PLA2G4A: variants seen among roughly 807,000 people sequenced by gnomAD.
PLA2G4A encodes cytosolic phospholipase A2.
PLA2G4A carries 40 observed loss-of-function variants against 81.9 expected under a neutral mutation model. That is an observed-to-expected ratio of 0.49 (90% CI 0.38 to 0.64). The LOEUF (loss-of-function observed/expected upper bound fraction) is 0.64. PLA2G4A is among the 30% of genes least tolerant of loss of function. The probability of loss-of-function intolerance (pLI) is 0.00; values close to 1 mark genes in which losing one functional copy is unlikely to be tolerated. For missense variants in PLA2G4A, 715 were observed against 905.1 expected (o/e 0.79, Z 2.69); for synonymous variants, 302 against 296.9 (o/e 1.02, Z -0.18).
intron 13 of PLA2G4A, 73 bp from the exon 14 acceptor site, chr1:186,956,029 C>T (rs1459085739): frequency 5.0e-6 from 7 of 1,390,048 alleles, no homozygotes; most frequent in East Asian, 4.6e-5. Flanking sequence ...CGTGAGCCAC[C>T]GTGCCCAGCC....
intron 5 of PLA2G4A, among the ~76,000 whole-genome samples, chr1:186,897,058 C>T (rs1654358040): frequency 6.6e-6 from 1 of 152,128 alleles, no homozygotes; most frequent in Non-Finnish European, 1.5e-5. Flanking sequence ...AGATGTAAGC[C>T]TTGAAGATGG....
chr1:186,957,292 C>T (rs776398083), intron 14 of PLA2G4A, among the ~76,000 whole-genome samples: 9 of 151,898 alleles, frequency 5.9e-5, no homozygotes, highest in Non-Finnish European at 1.2e-4. Context: ...CTTATAAAAT[C>T]GTTCCAAACT....
rs770635385 is a variant in PLA2G4A, at chr1:186,911,260, C to T, written c.429C>T (p.Asp143=). ...EMSLEVCSCP[D]LRFSMALCDQ... ...TTTGGTATTACAGCTCATGCCCAGA[C>T]CTACGATTTAGTATGGCTCTGTGTG... Residue 143 remains aspartate (D), a synonymous_variant, in exon 7 of 18, where the codon GAC becomes GAT. Coordinates refer to ENST00000367466, the MANE Select transcript of PLA2G4A (RefSeq NM_024420.3). 4.3e-6 allele frequency: 7 copies of T among 1,613,204 alleles called. No homozygotes were observed. Among genetic ancestry groups the T allele is most frequent in the South Asian group, 2.2e-5 (2 of 91,054 alleles).
chr1:186,837,275 C>A (rs1481271068), intron 1 of PLA2G4A, among the ~76,000 whole-genome samples: 1 of 151,990 alleles, frequency 6.6e-6, no homozygotes, highest in African/African-American at 2.4e-5. Context: ...GGGAGGAATG[C>A]GTGATGAGGA....
chr1:186,930,575 T>G (rs1249763308), intron 7 of PLA2G4A, among the ~76,000 whole-genome samples: 1 of 152,208 alleles, frequency 6.6e-6, no homozygotes, highest in African/African-American at 2.4e-5. Context: ...TGTGTTGAAA[T>G]GAATTGTATA....
At chr1:186,954,427 C>T (rs1373400144) in intron 13 of PLA2G4A, among the ~76,000 whole-genome samples, 1 of 151,794 alleles carries the variant, frequency 6.6e-6, no homozygotes, top group Non-Finnish European at 1.5e-5. Context: ...CATCACACAC[C>T]AGGGCCTGTC....
chr1:186,904,859 AT>A (rs148742175), intron 5 of PLA2G4A, among the ~76,000 whole-genome samples: 3,350 of 86,472 alleles, frequency 0.039, 133 homozygotes, highest in African/African-American at 0.22. Context: ...ATATATATAT[AT>A]TTTTTTTTTT....
Position 186,922,425 on chromosome 1 carries a change from A to G in PLA2G4A, c.559-10338A>G, listed in dbSNP as rs557126838. Among the ~76,000 whole-genome samples, 20 of 152,306 alleles carry G rather than the reference A, an allele frequency of 1.3e-4. No homozygotes were observed. The South Asian group carries it at 4.1e-3, about 32-fold the overall frequency. On this transcript the variant is annotated intron_variant, in intron 7 of 17. Transcript: ENST00000367466. Reference sequence around the variant, plus strand: ...TAGTCTTACCAAGTTTCAGTTGTCCAGACTCCAAGTGCCAGTTCCTTCCTG... The same window carrying G: ...TAGTCTTACCAAGTTTCAGTTGTCCGGACTCCAAGTGCCAGTTCCTTCCTG...
At chr1:186,911,421 CT>C in intron 7 of PLA2G4A, 32 bp downstream of exon 7, 1 of 1,491,692 alleles carries the variant, frequency 6.7e-7, no homozygotes, top group African/African-American at 1.4e-5. Flanking sequence ...TGTTACTATA[CT>C]TTAATAATAA....
At chr1:186,944,808 T>G (rs6425060) in intron 10 of PLA2G4A, among the ~76,000 whole-genome samples, 145,805 of 152,198 alleles carry the variant, frequency 0.96, 69,887 homozygotes, top group East Asian at 1. Context: ...TAATACCCCA[T>G]TGGGTTCTTA....
chr1:186,881,564 G>C (rs1271953916), intron 3 of PLA2G4A, among the ~76,000 whole-genome samples: 2 of 152,098 alleles, frequency 1.3e-5, no homozygotes, highest in Non-Finnish European at 2.9e-5. Flanking sequence ...GCTGCTACAT[G>C]TAAACAAGTC....
intron 1 of PLA2G4A, among the ~76,000 whole-genome samples, chr1:186,848,854 A>T (rs964694206): frequency 6.6e-6 from 1 of 152,102 alleles, no homozygotes; most frequent in Non-Finnish European, 1.5e-5. Context: ...TAATATCAGG[A>T]GAGTCTCTAT....
chr1:186,987,471 G>A (rs566070658), intron 17 of PLA2G4A, among the ~76,000 whole-genome samples: 1 of 152,214 alleles, frequency 6.6e-6, no homozygotes, highest in African/African-American at 2.4e-5. Flanking sequence ...TCGGTTTCCT[G>A]ATGCCCAGAA....
chr1:186,859,362 A>G (rs1652712954), intron 2 of PLA2G4A, among the ~76,000 whole-genome samples: 1 of 152,196 alleles, frequency 6.6e-6, no homozygotes, highest in Non-Finnish European at 1.5e-5. Context: ...TTGTGCCTTC[A>G]AAATTTATTG....
chr1:186,859,698 T>G (rs1652728549), intron 2 of PLA2G4A, among the ~76,000 whole-genome samples: 1 of 152,138 alleles, frequency 6.6e-6, no homozygotes, highest in Non-Finnish European at 1.5e-5. Flanking sequence ...TTATTCAGAT[T>G]ATTACAGTAA....
At chr1:186,951,821 C>G (rs1390319917) in intron 13 of PLA2G4A, among the ~76,000 whole-genome samples, 1 of 152,086 alleles carries the variant, frequency 6.6e-6, no homozygotes, top group Non-Finnish European at 1.5e-5. Context: ...GGATTCCTTC[C>G]CTGGGCAGCC....
chr1:186,871,713 A>C (rs967051881), intron 3 of PLA2G4A, among the ~76,000 whole-genome samples: 1 of 152,230 alleles, frequency 6.6e-6, no homozygotes, highest in African/African-American at 2.4e-5. Context: ...GGTAAGACAA[A>C]GACTTAGGAC....
At chr1:186,968,393 G>GGTGTGTGTGTGTGTGTGT (rs1291464246) in intron 15 of PLA2G4A, among the ~76,000 whole-genome samples, 1 of 31,550 alleles carries the variant, frequency 3.2e-5, no homozygotes, top group African/African-American at 1.2e-4. Flanking sequence ...CTCTTTTCGC[G>GGTGTGTGTGTGTGTGTGT]GTGTGTATGT....
At chr1:186,951,799 C>T (rs183189945) in intron 13 of PLA2G4A, among the ~76,000 whole-genome samples, 296 of 152,238 alleles carry the variant, frequency 1.9e-3, no homozygotes, top group Middle Eastern at 6.8e-3. Context: ...GTCTTGCGAA[C>T]ATTAAAAAAG....
Sources: gnomAD v4.1 joint callset for allele counts (sites outside exome capture counted in the v4.1 genomes callset) on GRCh38, gnomAD v4.1.1 for gene constraint, MANE v1.5 for transcripts, NCBI Gene and HGNC (gene_info 2026-07-23, HGNC 2026-07-21) for gene names.